The following KALRN variants were observed in gnomAD, a reference collection of about 807,000 sequenced individuals.
KALRN encodes kalirin.
In KALRN, 70 loss-of-function variants were observed where a neutral mutation model predicts 353.7. The ratio of observed to expected loss-of-function variants is 0.20; its 90% CI spans 0.16 to 0.24. The LOEUF (loss-of-function observed/expected upper bound fraction) is 0.24, where lower values mean the gene tolerates loss of function less well. Among genes scored for constraint, KALRN ranks in the 10% least tolerant of loss-of-function variants. The pLI, the probability that KALRN is intolerant of heterozygous loss-of-function variation, is 1.00. For missense variants in KALRN, 2,791 were observed against 3,756.7 expected (o/e 0.74, Z 6.72); for synonymous variants, 1,391 against 1,434.8 (o/e 0.97, Z 0.69).
intron 25 of KALRN, among the ~76,000 whole-genome samples, chr3:124,467,029 A>G (rs592100): frequency 0.58 from 88,631 of 152,140 alleles, 26,838 homozygotes; most frequent in Middle Eastern, 0.67. Flanking sequence ...CACCAAGGTT[A>G]GATGCCCCTT....
Position 124,395,132 on chromosome 3 carries a change from C to T in KALRN, c.1963-3C>T, listed in dbSNP as rs2089992532. 5 of 1,610,426 alleles carry T rather than the reference C, an allele frequency of 3.1e-6. No individual in the cohort carries two copies. The highest frequency in any genetic ancestry group is 4.2e-6 in the Non-Finnish European group (5 of 1,177,228). ...GAGTGGAATCTCTGCTCTCTCTCTA[C>T]AGTTGTGGACATGGATGGAAGACCT... On this transcript the variant is annotated splice_region_variant and splice_polypyrimidine_tract_variant and intron_variant, in intron 11 of 59. Transcript: ENST00000682506.
At chr3:124,557,423 G>A (rs368028620) in intron 33 of KALRN, among the ~76,000 whole-genome samples, 83 of 152,328 alleles carry the variant, frequency 5.4e-4, no homozygotes, top group African/African-American at 1.9e-3. Context: ...GGTGTTTCAT[G>A]TTAAGGGACA....
At chr3:124,139,434 T>A (rs1222892715) in intron 1 of KALRN, among the ~76,000 whole-genome samples, 3 of 152,228 alleles carry the variant, frequency 2.0e-5, no homozygotes, top group African/African-American at 7.2e-5. Context: ...TTCATTTCTT[T>A]ATTCCTCCTG....
In KALRN at chr3:124,696,244, T is replaced by C; in HGVS notation, c.7688T>C (p.Val2563Ala). 6.2e-7 allele frequency: 1 copy of C among 1,613,942 alleles called. No homozygotes were observed. Among genetic ancestry groups the C allele is most frequent in the Non-Finnish European group, 8.5e-7 (1 of 1,179,846 alleles). Residue 2563 changes from valine to alanine, a missense_variant, in exon 54 of 60, where the codon GTC (valine) becomes GCC (alanine). By Grantham distance (64) the Val-to-Ala change is moderately conservative (BLOSUM62 0). Around this residue, in one of 11 missense-constraint regions of KALRN, gnomAD observed 1,065 missense variants for 1,156.4 expected, o/e 0.92. Transcript: ENST00000682506. ...DHGTTSTSAT[V>A]KVQGVPAAPN... Reference sequence around the variant, plus strand: ...GGGACCACATCAACGTCTGCAACAGTCAAAGTGCAAGGTACAGCCTCTTTG... The same window carrying C: ...GGGACCACATCAACGTCTGCAACAGCCAAAGTGCAAGGTACAGCCTCTTTG...
intron 1 of KALRN, chr3:124,152,081 A>AGGAAGTTATTTGCTTCTT: frequency 7.8e-7 from 1 of 1,286,122 alleles, no homozygotes; most frequent in East Asian, 2.3e-5. Flanking sequence ...AAAGGGCCAC[A>AGGAAGTTATTTGCTTCTT]GGAAGTTATT....
chr3:124,129,042 GA>G (rs1194517157), intron 1 of KALRN, among the ~76,000 whole-genome samples: 1 of 152,048 alleles, frequency 6.6e-6, no homozygotes, highest in African/African-American at 2.4e-5. Context: ...TTGTGAAATT[GA>G]GGGCATAGAG....
At chr3:124,360,208 C>T (rs544052322) in intron 10 of KALRN, among the ~76,000 whole-genome samples, 2 of 152,262 alleles carry the variant, frequency 1.3e-5, no homozygotes, top group East Asian at 1.9e-4. Flanking sequence ...CTTGGGGTAC[C>T]TGGTAAGGTA....
At chr3:124,214,108 A>G (rs1158613550) in intron 1 of KALRN, among the ~76,000 whole-genome samples, 2 of 152,118 alleles carry the variant, frequency 1.3e-5, no homozygotes, top group Non-Finnish European at 1.5e-5. Context: ...CTGTAATCCA[A>G]CTTTTCAGAG....
Position 124,384,991 on chromosome 3 carries a change from G to A in KALRN, c.1917G>A (p.Lys639=), listed in dbSNP as rs1300173131. Residue 639 remains lysine (K), a synonymous_variant, in exon 11 of 60, where the codon AAG becomes AAA. Transcript: ENST00000682506. ...QDFVRRVEQR[K]LLLDMSVSFH... is the part of the protein sequence containing the mutation. ...TCGTGCGCAGGGTGGAGCAGCGGAA[G>A]CTTCTCCTGGACATGTCTGTTTCCT... 2 of 1,613,124 alleles carry A rather than the reference G, an allele frequency of 1.2e-6. No homozygotes were observed. Among genetic ancestry groups the A allele is most frequent in the Admixed American group, 1.7e-5 (1 of 59,930 alleles).
chr3:124,401,076 T>C (rs2090801430), intron 13 of KALRN, among the ~76,000 whole-genome samples: 1 of 152,182 alleles, frequency 6.6e-6, no homozygotes, highest in Admixed American at 6.5e-5. Context: ...CTAGCATCGA[T>C]TGTAGGCAAA....
chr3:124,107,623 G>A (rs1290693266), intron 1 of KALRN, among the ~76,000 whole-genome samples: 1 of 152,102 alleles, frequency 6.6e-6, no homozygotes. Flanking sequence ...GAACCCTGGT[G>A]TTGACTCTTT....
At chr3:124,047,204 A>C (rs1363173412) in intron 1 of KALRN, among the ~76,000 whole-genome samples, 1 of 152,198 alleles carries the variant, frequency 6.6e-6, no homozygotes, top group African/African-American at 2.4e-5. Context: ...CAAATGGATC[A>C]ACTAATTAAT....
In KALRN at chr3:124,423,253, C is replaced by T. The variant is rs187383706; in HGVS notation, c.2709+275C>T. 1.4e-4 allele frequency among the ~76,000 whole-genome samples: 22 copies of T among 152,336 alleles called. No homozygotes were observed. The East Asian group carries it at 4.1e-3, about 28-fold the overall frequency. ...TCCAGAGTTGTCTCAGTCACTCAAT[C>T]TGTTCTTTCTTTCTATCCTCAGTCC... On this transcript the variant is annotated intron_variant, in intron 15 of 59. Transcript: ENST00000682506.
At chr3:124,155,003 TG>T (rs1162792988) in intron 1 of KALRN, among the ~76,000 whole-genome samples, 7 of 152,298 alleles carry the variant, frequency 4.6e-5, no homozygotes, top group East Asian at 1.9e-4. Flanking sequence ...AAACAAGCAA[TG>T]GGGAAAGGAT....
chr3:124,170,830 T>A (rs2071666482), intron 1 of KALRN, among the ~76,000 whole-genome samples: 1 of 110,780 alleles, frequency 9.0e-6, no homozygotes, highest in South Asian at 3.3e-4. Context: ...ACTTCCACAT[T>A]CTTTTTTTTT....
rs148018412 is a variant in KALRN at position 124,111,334 on chromosome 3, C to T, written c.73+77521C>T. ...CAAGAAAACCTTTCCCAGATGTCCT[C>T]CAGGAGATGTTTCCTCATGTCTCAA... is the stretch of plus-strand genomic sequence containing the variant. On this transcript the variant is annotated intron_variant, in intron 1 of 59. Coordinates refer to ENST00000682506, the MANE Select transcript of KALRN (RefSeq NM_001388419.1). Among the ~76,000 whole-genome samples, 382 of 152,288 alleles carry T rather than the reference C, an allele frequency of 2.5e-3. 3 individuals are homozygous for T. The highest frequency in any genetic ancestry group is 8.1e-3 in the African/African-American group (338 of 41,558).
intron 47 of KALRN, among the ~76,000 whole-genome samples, chr3:124,668,853 A>G (rs1423555116): frequency 6.6e-6 from 1 of 152,238 alleles, no homozygotes; most frequent in Non-Finnish European, 1.5e-5. Flanking sequence ...AAATGTGTTC[A>G]TATATAAAAA....
chr3:124,334,621 C>T lies in KALRN; in HGVS notation c.1647+126C>T, dbSNP rs2080936028. On this transcript the variant is annotated intron_variant, in intron 9 of 59. Transcript: ENST00000682506. This position sits in a 1 kb window ranked among gnomAD's most constrained non-coding sequence, Gnocchi z 4.2. ...TAGAAGGACATAATGAAATTCAGCT[C>T]TCAACTGCTCCACAGAACCCTACCA... 1.5e-6 allele frequency: 1 copy of T among 653,818 alleles called. No individual in the cohort carries two copies. 40.5% of individuals were successfully genotyped at this position (653,818 alleles called of 1,614,324 possible).
At chr3:124,076,509 C>A (rs867636649) in intron 1 of KALRN, among the ~76,000 whole-genome samples, 1 of 152,174 alleles carries the variant, frequency 6.6e-6, no homozygotes, top group Non-Finnish European at 1.5e-5. Context: ...AACCTTCATC[C>A]GCTGTAGCAA....
Sources: allele counts gnomAD v4.1 joint callset (sites outside exome capture counted in the v4.1 genomes callset), GRCh38; gene constraint gnomAD v4.1.1; regional missense constraint gnomAD v4.1.1; non-coding constraint Gnocchi (gnomAD v3.1); transcripts MANE v1.5; gene names NCBI Gene and HGNC (gene_info 2026-07-23, HGNC 2026-07-21).